EIF2B3: variants seen among roughly 807,000 people sequenced by gnomAD.
EIF2B3 encodes the protein translation initiation factor eIF2B subunit gamma.
In EIF2B3, 20 loss-of-function variants were observed where a neutral mutation model predicts 54.1. The observed-to-expected ratio is 0.37, with a 90% confidence interval of 0.26 to 0.54. The LOEUF (loss-of-function observed/expected upper bound fraction) is 0.54. Among genes scored for constraint, EIF2B3 ranks in the 20% least tolerant of loss-of-function variants. The pLI is 0.86. For missense variants in EIF2B3, 448 were observed against 547.8 expected, an observed-to-expected ratio of 0.82 and a Z score of 1.82; for synonymous variants, 153 against 188.1, an observed-to-expected ratio of 0.81 and a Z score of 1.52.
At chr1:44,966,438 CAAA>C (rs60200568) in intron 3 of EIF2B3, among the ~76,000 whole-genome samples, 20 of 85,956 alleles carry the variant, frequency 2.3e-4, no homozygotes, top group East Asian at 8.8e-4. Context: ...GACTCTGTCT[CAAA>C]AAAAAAAAAA....
intron 10 of EIF2B3, among the ~76,000 whole-genome samples, chr1:44,867,645 GC>G (rs2148897704): frequency 6.6e-6 from 1 of 152,122 alleles, no homozygotes; most frequent in Non-Finnish European, 1.5e-5. Context: ...TCCCAGGTTT[GC>G]CGTAAGTAAT....
intron 5 of EIF2B3, among the ~76,000 whole-genome samples, chr1:44,907,857 T>C (rs1643444352): frequency 8.3e-6 from 1 of 120,806 alleles, no homozygotes; most frequent in Admixed American, 1.2e-4. Context: ...GCCATTGCAC[T>C]CCAGTCTGGG....
chr1:44,878,134 C>T (rs1056799078), intron 8 of EIF2B3, among the ~76,000 whole-genome samples: 1 of 152,158 alleles, frequency 6.6e-6, no homozygotes, highest in Non-Finnish European at 1.5e-5. Flanking sequence ...GCTATGATTT[C>T]TCATAAGCTC....
intron 10 of EIF2B3, among the ~76,000 whole-genome samples, chr1:44,862,212 G>A (rs150891224): frequency 7.9e-5 from 12 of 152,316 alleles, no homozygotes; most frequent in African/African-American, 2.9e-4. Flanking sequence ...AGGTTGGCAC[G>A]AAGCACTCCG....
chr1:44,940,218 A>G (rs886912615), intron 4 of EIF2B3, among the ~76,000 whole-genome samples: 1 of 152,206 alleles, frequency 6.6e-6, no homozygotes, highest in Non-Finnish European at 1.5e-5. Flanking sequence ...TAAGAAATTA[A>G]TAAGCTATAC....
intron 3 of EIF2B3, among the ~76,000 whole-genome samples, chr1:44,967,895 A>G (rs903709001): frequency 6.8e-6 from 1 of 147,430 alleles, no homozygotes. Flanking sequence ...AAAATTAGTC[A>G]GGCGGGGTGG....
At chr1:44,939,233 C>T (rs764062456) in intron 4 of EIF2B3, among the ~76,000 whole-genome samples, 6 of 151,044 alleles carry the variant, frequency 4.0e-5, no homozygotes, top group African/African-American at 7.3e-5. Context: ...AGAATTCAAA[C>T]TCTTTCGTCT....
rs1643804473 is a variant in EIF2B3 at position 44,924,043 on chromosome 1, C to T, written c.566+2585G>A. On this transcript the variant is annotated intron_variant, in intron 5 of 11. Transcript: ENST00000360403. ...GCAAGCTCTGCCTCCCAGGTTCATG[C>T]CATTCTCCTGCCTCAGCCTCCCGAG... Among the ~76,000 whole-genome samples the T allele has an allele frequency of 2.0e-5, 3 of 151,274 alleles. No individual in the cohort carries two copies. In the South Asian group the frequency reaches 6.2e-4, roughly 31 times the overall value.
At chr1:44,888,473 A>ATC (rs3044260) in intron 6 of EIF2B3, among the ~76,000 whole-genome samples, 2,335 of 144,454 alleles carry the variant, frequency 0.016, 21 homozygotes, top group Admixed American at 0.022. Flanking sequence ...TGGCTTCTCA[A>ATC]TCTCTCTCTC....
At chr1:44,872,842 G>C (rs898936738) in intron 10 of EIF2B3, among the ~76,000 whole-genome samples, 1 of 152,110 alleles carries the variant, frequency 6.6e-6, no homozygotes, top group African/African-American at 2.4e-5. Context: ...TTCCTTGAGG[G>C]AAGAGATTAA....
chr1:44,985,560 G>A (rs1226078065), intron 1 of EIF2B3, among the ~76,000 whole-genome samples: 2 of 152,182 alleles, frequency 1.3e-5, no homozygotes, highest in African/African-American at 2.4e-5. Flanking sequence ...AGTGGAATGA[G>A]GACCTGTGAA....
intron 5 of EIF2B3, among the ~76,000 whole-genome samples, chr1:44,903,641 C>T (rs1643358045): frequency 6.6e-6 from 1 of 152,224 alleles, no homozygotes; most frequent in African/African-American, 2.4e-5. Context: ...TTCATCTAGA[C>T]ACCCTGTGTG....
chr1:44,909,642 C>A (rs1415554562), intron 5 of EIF2B3, among the ~76,000 whole-genome samples: 1 of 152,178 alleles, frequency 6.6e-6, no homozygotes, highest in African/African-American at 2.4e-5. Context: ...ACAGCCATAT[C>A]ATTTTATAGA....
At chr1:44,980,473 T>C (rs935361970) in intron 2 of EIF2B3, among the ~76,000 whole-genome samples, 2 of 151,152 alleles carry the variant, frequency 1.3e-5, no homozygotes, top group African/African-American at 4.9e-5. Context: ...TGAGACTCTG[T>C]CTCAAAAAAA....
At chr1:44,920,495 T>G (rs1363131003) in intron 5 of EIF2B3, among the ~76,000 whole-genome samples, 1 of 152,198 alleles carries the variant, frequency 6.6e-6, no homozygotes, top group African/African-American at 2.4e-5. Flanking sequence ...TTCTAACTAA[T>G]TTTTTGTACC....
intron 4 of EIF2B3, chr1:44,940,769 C>T (rs1557695919): frequency 6.7e-6 from 1 of 149,584 alleles, no homozygotes; most frequent in Non-Finnish European, 1.5e-5. Flanking sequence ...GTCTCCATCT[C>T]AAAAAAAAGA....
intron 11 of EIF2B3, among the ~76,000 whole-genome samples, chr1:44,853,285 C>T (rs1654335637): frequency 6.6e-6 from 1 of 151,854 alleles, no homozygotes; most frequent in South Asian, 2.1e-4. Flanking sequence ...CATGGTGATT[C>T]AGTAAGTTGG....
intron 2 of EIF2B3, among the ~76,000 whole-genome samples, chr1:44,979,924 C>T (rs185874400): frequency 6.6e-6 from 1 of 152,086 alleles, no homozygotes; most frequent in Admixed American, 6.5e-5. Flanking sequence ...TGAGATCACA[C>T]CACTGTACTC....
intron 8 of EIF2B3, among the ~76,000 whole-genome samples, chr1:44,877,963 G>A (rs1655254054): frequency 1.3e-5 from 2 of 152,152 alleles, no homozygotes; most frequent in Non-Finnish European, 2.9e-5. Flanking sequence ...CACTTCAAAG[G>A]ATACTTTTCC....
Sources: allele counts gnomAD v4.1 joint callset (sites outside exome capture counted in the v4.1 genomes callset), GRCh38; gene constraint gnomAD v4.1.1; transcripts MANE v1.5; gene names NCBI Gene and HGNC (gene_info 2026-07-23, HGNC 2026-07-21).